CNKSR2: variants seen among roughly 807,000 people sequenced by gnomAD.
The protein encoded by CNKSR2 is connector enhancer of kinase suppressor of Ras 2, also known as CNK homolog protein 2.
CNKSR2 carries 14 observed loss-of-function variants against 84.4 expected under a neutral mutation model. The ratio of observed to expected loss-of-function variants is 0.17; its 90% CI spans 0.11 to 0.26. The LOEUF (loss-of-function observed/expected upper bound fraction) is 0.26, where lower values mean the gene tolerates loss of function less well. Ranked by LOEUF, CNKSR2 falls within the 10% of genes least tolerant of loss-of-function variation. The probability of loss-of-function intolerance (pLI) is 1.00; values close to 1 mark genes in which losing one functional copy is unlikely to be tolerated. For missense variants in CNKSR2, 485 were observed against 771.2 expected (o/e 0.63, Z 4.40); for synonymous variants, 275 against 277.9 (o/e 0.99, Z 0.10).
In CNKSR2 at chrX:21,532,032, G is replaced by A; in HGVS notation, c.1268G>A (p.Ser423Asn). The A allele has an allele frequency of 8.3e-7, 1 of 1,203,106 alleles. No individual in the cohort carries two copies. The highest frequency in any genetic ancestry group is 1.1e-6 in the Non-Finnish European group (1 of 888,931). ...YCYEYEKGRSSSQGRRESTPT... is the reference protein window; with the variant it reads ...YCYEYEKGRSNSQGRRESTPT... ...TATGAATATGAAAAAGGAAGATCAA[G>A]TAGTCAAGGAAGACGAGAAAGCACC... Residue 423 changes from serine (S) to asparagine (N), a missense_variant, in exon 11 of 22, where the codon AGT becomes AAT. Ser to Asn is a conservative substitution (Grantham distance 46, BLOSUM62 1). Transcript: ENST00000379510.
chrX:21,512,028 G>A (rs1200930844), intron 8 of CNKSR2, among the ~76,000 whole-genome samples: 1 of 111,669 alleles, frequency 9.0e-6, no homozygotes, highest in Non-Finnish European at 1.9e-5. Flanking sequence ...TTACTGCATT[G>A]TAACTGTTTA....
At chrX:21,548,922 C>G (rs1391727790) in intron 11 of CNKSR2, among the ~76,000 whole-genome samples, 6 of 112,137 alleles carry the variant, frequency 5.4e-5, no homozygotes, top group Non-Finnish European at 9.4e-5. Context: ...GAACGTATCT[C>G]AAAATAATAA....
At chrX:21,545,341 T>C (rs1251237101) in intron 11 of CNKSR2, among the ~76,000 whole-genome samples, 3 of 112,067 alleles carry the variant, frequency 2.7e-5, no homozygotes, top group Admixed American at 9.4e-5. Flanking sequence ...TAGATTCTCC[T>C]CTAGATTCTT....
intron 11 of CNKSR2, among the ~76,000 whole-genome samples, chrX:21,555,989 G>T: frequency 9.0e-6 from 1 of 110,920 alleles, no homozygotes; most frequent in Non-Finnish European, 1.9e-5. Context: ...GTTCTGACTT[G>T]ATTGGCAAAC....
intron 20 of CNKSR2, chrX:21,641,527 T>C (rs1472324153): frequency 1.7e-6 from 2 of 1,176,660 alleles, no homozygotes; most frequent in Admixed American, 2.4e-5. Context: ...TGCTTTATCA[T>C]ATTAGGCTAA....
At chrX:21,378,771 G>A (rs1416832761) in intron 1 of CNKSR2, among the ~76,000 whole-genome samples, 1 of 110,825 alleles carries the variant, frequency 9.0e-6, no homozygotes, top group East Asian at 2.8e-4. Context: ...ATCTCTCTGG[G>A]TCAAATAAAA....
In CNKSR2 at chrX:21,450,439, C is replaced by A. The variant is rs760844417; in HGVS notation, c.519+9658C>A. ...CTTTTTCAAATACTGCACACAATTA[C>A]TGAAAAGAAATGATTCCATTTTTTA... On this transcript the variant is annotated intron_variant, in intron 4 of 21. Coordinates refer to ENST00000379510, the MANE Select transcript of CNKSR2 (RefSeq NM_014927.5). Among the ~76,000 whole-genome samples, 3 of 111,044 alleles carry A rather than the reference C, an allele frequency of 2.7e-5. No homozygotes were observed. In the South Asian group the frequency reaches 1.1e-3, roughly 42 times the overall value.
chrX:21,605,580 A>G (rs2147276908), intron 18 of CNKSR2, among the ~76,000 whole-genome samples: 1 of 112,174 alleles, frequency 8.9e-6, no homozygotes, highest in African/African-American at 3.2e-5. Context: ...AAAGAGTCCC[A>G]GCAACTTAGT....
At chrX:21,476,504 C>G (rs2091261925) in intron 5 of CNKSR2, among the ~76,000 whole-genome samples, 1 of 111,366 alleles carries the variant, frequency 9.0e-6, no homozygotes, top group Admixed American at 9.6e-5. Context: ...AATCCTCAGG[C>G]TACATTTTCT....
At chrX:21,473,164 G>T (rs1246675035) in intron 5 of CNKSR2, among the ~76,000 whole-genome samples, 2 of 111,254 alleles carry the variant, frequency 1.8e-5, no homozygotes, top group African/African-American at 3.3e-5. Flanking sequence ...TGGCAATTTT[G>T]CATTCCAGCT....
intron 20 of CNKSR2, among the ~76,000 whole-genome samples, chrX:21,631,268 G>A (rs1482745467): frequency 1.8e-5 from 2 of 110,904 alleles, no homozygotes; most frequent in African/African-American, 6.6e-5. Context: ...CCTGTGAGCT[G>A]TGATCACACC....
intron 1 of CNKSR2, among the ~76,000 whole-genome samples, chrX:21,387,805 T>C (rs1435397044): frequency 8.9e-6 from 1 of 111,781 alleles, no homozygotes; most frequent in Non-Finnish European, 1.9e-5. Context: ...ATGCCCTTAT[T>C]GTAATAAAAA....
rs375577349 is a variant in CNKSR2, at chrX:21,433,712, G to A, written c.431+898G>A. ...CACACACACGCCAGTATTACATTTT[G>A]GCATTTTAAAAACATGAGGCCTTAT... On this transcript the variant is annotated intron_variant, in intron 3 of 21. Coordinates refer to ENST00000379510, the MANE Select transcript of CNKSR2 (RefSeq NM_014927.5). Among the ~76,000 whole-genome samples, 3 of 104,821 alleles carry A rather than the reference G, an allele frequency of 2.9e-5. 1 individual carries two copies. The East Asian group carries it at 8.9e-4, about 31-fold the overall frequency. 91.0% of individuals were successfully genotyped at this position (104,821 alleles called of 115,157 possible).
At chrX:21,499,762 ATTTC>A (rs2091540088) in intron 7 of CNKSR2, among the ~76,000 whole-genome samples, 1 of 110,609 alleles carries the variant, frequency 9.0e-6, no homozygotes, top group Non-Finnish European at 1.9e-5. Flanking sequence ...CTGTGCCCTA[ATTTC>A]TTAGTTTTCT....
At chrX:21,569,240 G>C (rs1037612899) in intron 13 of CNKSR2, among the ~76,000 whole-genome samples, 1 of 111,355 alleles carries the variant, frequency 9.0e-6, no homozygotes, top group Non-Finnish European at 1.9e-5. Context: ...TATTTTTGCT[G>C]GTGGAGGGTT....
intron 4 of CNKSR2, among the ~76,000 whole-genome samples, chrX:21,443,081 A>G (rs946418410): frequency 1.8e-5 from 2 of 110,996 alleles, no homozygotes; most frequent in African/African-American, 6.6e-5. Context: ...AAATCTGTAC[A>G]GCAAACCCCA....
At chrX:21,474,992 T>C (rs2091245120) in intron 5 of CNKSR2, among the ~76,000 whole-genome samples, 1 of 112,169 alleles carries the variant, frequency 8.9e-6, no homozygotes. Flanking sequence ...AAATATAGCA[T>C]AACAAATATG....
chrX:21,526,811 T>G, intron 9 of CNKSR2, 56 bp from the exon 10 acceptor site: 1 of 917,813 alleles, frequency 1.1e-6, no homozygotes, highest in Non-Finnish European at 1.6e-6. Context: ...GTTGTTGTTG[T>G]TGTTGTTTTG....
chrX:21,483,747 A>C (rs1348929304), intron 5 of CNKSR2, among the ~76,000 whole-genome samples: 1 of 109,583 alleles, frequency 9.1e-6, no homozygotes, highest in African/African-American at 3.3e-5. Flanking sequence ...CTTGTTAGGG[A>C]ACCATCATAA....
Sources: gnomAD v4.1 joint callset for allele counts (sites outside exome capture counted in the v4.1 genomes callset) on GRCh38, gnomAD v4.1.1 for gene constraint, MANE v1.5 for transcripts, NCBI Gene and HGNC (gene_info 2026-07-23, HGNC 2026-07-21) for gene names.